ATP13A5: variants seen among roughly 807,000 people sequenced by gnomAD.
The protein encoded by ATP13A5 is ATPase 13A5, also known as probable cation-transporting ATPase 13A5.
In ATP13A5, 149 loss-of-function variants were observed where a neutral mutation model predicts 150.2. That is an observed-to-expected ratio of 0.99 (90% CI 0.87 to 1.14). The LOEUF (loss-of-function observed/expected upper bound fraction) is 1.14, where lower values mean the gene tolerates loss of function less well. ATP13A5 is among the 50% of genes most tolerant of loss of function. The probability of loss-of-function intolerance (pLI) is 0.00; values close to 1 mark genes in which losing one functional copy is unlikely to be tolerated. For missense variants in ATP13A5, 1,383 were observed against 1,449.3 expected (o/e 0.95, Z 0.74); for synonymous variants, 497 against 522.2 (o/e 0.95, Z 0.66).
At chr3:193,368,060 A>G (rs575718727) in intron 1 of ATP13A5, among the ~76,000 whole-genome samples, 30 of 152,240 alleles carry the variant, frequency 2.0e-4, no homozygotes, top group African/African-American at 7.2e-4. Context: ...CTCTATGTGT[A>G]GATAATGTGG....
At chr3:193,293,304 T>C (rs762634420) in intron 25 of ATP13A5, among the ~76,000 whole-genome samples, 28 of 152,236 alleles carry the variant, frequency 1.8e-4, no homozygotes, top group Non-Finnish European at 2.6e-4. Context: ...TTCCTTAAAA[T>C]GATGATGATA....
rs369647097 is a variant in ATP13A5, at chr3:193,310,181, C to T, written c.2525+457G>A. On this transcript the variant is annotated intron_variant, in intron 21 of 29. Coordinates refer to ENST00000342358, the MANE Select transcript of ATP13A5 (RefSeq NM_198505.4). ...AATAGCCTCCATTTCCATCTGTGTT[C>T]CTGCAGAAGTCATAATCTCATTCTT... Among the ~76,000 whole-genome samples, 8 of 152,266 alleles carry T rather than the reference C, an allele frequency of 5.3e-5. No individual in the cohort carries two copies. In the East Asian group the frequency reaches 1.2e-3, roughly 22 times the overall value.
Position 193,285,116 on chromosome 3 carries a change from A to T in ATP13A5, c.3024T>A (p.Ser1008Arg). The T allele has an allele frequency of 1.9e-6, 3 of 1,612,038 alleles. No homozygotes were observed. Among genetic ancestry groups the T allele is most frequent in the Non-Finnish European group, 2.5e-6 (3 of 1,178,982 alleles). Residue 1008 changes from serine to arginine, a missense_variant and splice_region_variant, in exon 27 of 30, where the codon AGT becomes AGA. Coordinates refer to ENST00000342358, the MANE Select transcript of ATP13A5 (RefSeq NM_198505.4). Reference protein sequence around the residue: ...QPWYCEVYQYSECFLANQSNF... With the variant: ...QPWYCEVYQYRECFLANQSNF... ...TACTTTGGTTGGCCAGAAAACACTC[A>T]CTACAAAAGAATCACCAGTGTTTAT...
intron 1 of ATP13A5, among the ~76,000 whole-genome samples, chr3:193,367,492 A>C (rs1713279234): frequency 6.6e-6 from 1 of 152,158 alleles, no homozygotes; most frequent in Non-Finnish European, 1.5e-5. Flanking sequence ...TGAAGCCAGC[A>C]TACTCAGACA....
intron 15 of ATP13A5, among the ~76,000 whole-genome samples, chr3:193,322,212 T>C (rs1231459861): frequency 6.6e-6 from 1 of 152,196 alleles, no homozygotes; most frequent in Non-Finnish European, 1.5e-5. Context: ...CCTATATTGA[T>C]TTTTCTATGA....
chr3:193,310,886 T>C (rs556599917), intron 20 of ATP13A5, among the ~76,000 whole-genome samples, 169 bp from the exon 21 acceptor site: 3 of 152,328 alleles, frequency 2.0e-5, no homozygotes, highest in South Asian at 4.2e-4. Flanking sequence ...CACTTTAATA[T>C]TGAAATTTCA....
At chr3:193,356,809 A>AT (rs959353818) in intron 5 of ATP13A5, among the ~76,000 whole-genome samples, 29 of 146,350 alleles carry the variant, frequency 2.0e-4, no homozygotes, top group Admixed American at 4.2e-4. Flanking sequence ...GCAGAAACAG[A>AT]TTTTTTTTTC....
At chr3:193,300,674 T>C (rs1377748262) in intron 24 of ATP13A5, among the ~76,000 whole-genome samples, 1 of 152,204 alleles carries the variant, frequency 6.6e-6, no homozygotes, top group Non-Finnish European at 1.5e-5. Flanking sequence ...TAAATGGCTA[T>C]TTTCATCATT....
intron 17 of ATP13A5, 41 bp downstream of exon 17, chr3:193,318,950 G>C (rs73888251): frequency 0.13 from 180,735 of 1,414,656 alleles, 13,906 homozygotes; most frequent in East Asian, 0.3. Flanking sequence ...GCACTTCATG[G>C]GCACAGAGCC....
intron 23 of ATP13A5, among the ~76,000 whole-genome samples, chr3:193,301,951 T>A (rs1380503654): frequency 6.6e-6 from 1 of 152,156 alleles, no homozygotes; most frequent in Non-Finnish European, 1.5e-5. Context: ...TATTTCTCCT[T>A]TAAAAAAATT....
chr3:193,362,621 A>G lies in ATP13A5; in HGVS notation c.401T>C (p.Val134Ala). ...KPELKLRCME[V>A]QKIRYVWNDL... ...GTTCCAAACATACCTGATTTTCTGC[A>G]CTTCCATGCACCGCAGCTACGATTG... The change falls in exon 4 of 30, where the codon GTG becomes GCG. Residue 134 changes from valine (V) to alanine (A), a missense_variant. By Grantham distance (64) the Val-to-Ala change is moderately conservative. This residue lies in a region of ATP13A5 where 787 missense variants were observed against 771.9 expected (regional missense o/e 1.02). Coordinates refer to ENST00000342358, the MANE Select transcript of ATP13A5 (RefSeq NM_198505.4). 6.2e-7 allele frequency: 1 copy of G among 1,614,192 alleles called. No individual in the cohort carries two copies. Among genetic ancestry groups the G allele is most frequent in the Non-Finnish European group, 8.5e-7 (1 of 1,180,012 alleles).
At chr3:193,276,868 C>T (rs754864996) in intron 28 of ATP13A5, 38 bp from the exon 29 acceptor site, 1 of 1,431,026 alleles carries the variant, frequency 7.0e-7, no homozygotes, top group Non-Finnish European at 9.7e-7. Context: ...ATTTTGCACA[C>T]TTCACACTTT....
At chr3:193,352,737 T>C (rs911771233) in intron 6 of ATP13A5, among the ~76,000 whole-genome samples, 1 of 152,268 alleles carries the variant, frequency 6.6e-6, no homozygotes, top group African/African-American at 2.4e-5. Context: ...GTCTAAAAAA[T>C]AAAGTTAAAA....
intron 18 of ATP13A5, 194 bp from the exon 19 acceptor site, chr3:193,314,387 T>C: frequency 1.7e-6 from 1 of 572,182 alleles, no homozygotes. Context: ...CTCCATATTC[T>C]GCATCATATC....
At chr3:193,351,713 CA>C (rs555984740) in intron 6 of ATP13A5, among the ~76,000 whole-genome samples, 9 of 152,152 alleles carry the variant, frequency 5.9e-5, no homozygotes, top group Non-Finnish European at 1.3e-4. Flanking sequence ...CTAGCAAGGT[CA>C]CATAAGAGTC....
chr3:193,319,669 A>C (rs922787461), intron 16 of ATP13A5, among the ~76,000 whole-genome samples: 1 of 152,230 alleles, frequency 6.6e-6, no homozygotes, highest in African/African-American at 2.4e-5. Context: ...GACTCAGACA[A>C]ACTGGGTGTC....
chr3:193,282,611 A>G (rs1717549726), intron 27 of ATP13A5, among the ~76,000 whole-genome samples: 3 of 152,312 alleles, frequency 2.0e-5, no homozygotes, highest in Admixed American at 1.3e-4. Flanking sequence ...TCCTGACCTC[A>G]GGTGATCTGC....
chr3:193,310,633 C>T lies in ATP13A5; in HGVS notation c.2525+5G>A, dbSNP rs911733747. On this transcript the variant is annotated splice_donor_5th_base_variant and intron_variant, in intron 21 of 29. Coordinates refer to ENST00000342358, the MANE Select transcript of ATP13A5 (RefSeq NM_198505.4). ...CACACTCTTCTTTCATGCCATGACACCTACTTTAATTTCTGAAATTCTTCA... is the reference window on the plus strand; with the variant it reads ...CACACTCTTCTTTCATGCCATGACATCTACTTTAATTTCTGAAATTCTTCA... The T allele has an allele frequency of 6.2e-7, 1 of 1,601,000 alleles. No individual in the cohort carries two copies. The highest frequency in any genetic ancestry group is 1.3e-5 in the African/African-American group (1 of 74,168).
Position 193,319,004 on chromosome 3 carries a change from C to A in ATP13A5, c.2020G>T (p.Glu674Ter), listed in dbSNP as rs1170774281. The A allele has an allele frequency of 1.9e-6, 3 of 1,613,588 alleles. No individual in the cohort carries two copies. Among genetic ancestry groups the A allele is most frequent in the Non-Finnish European group, 2.5e-6 (3 of 1,179,576 alleles). ...TLKMGNLSEV[E>*]HLAREKVESE... ...TGAATTGCTTACCTGGCTAAGTGCT[C>A]GACTTCTGAAAGATTCCCCATCTTT... Residue 674 changes from glutamate (E) to a stop codon, truncating the protein, a stop_gained, in exon 17 of 30, where the codon GAG (glutamate) becomes TAG (stop). Transcript: ENST00000342358. LOFTEE classifies it high-confidence loss of function.
Sources: gnomAD v4.1 joint callset for allele counts (sites outside exome capture counted in the v4.1 genomes callset) on GRCh38, gnomAD v4.1.1 for gene constraint, gnomAD v4.1.1 regional missense constraint, MANE v1.5 for transcripts, NCBI Gene and HGNC (gene_info 2026-07-23, HGNC 2026-07-21) for gene names.